The following ZMYND8 variants were observed in gnomAD, a reference collection of about 807,000 sequenced individuals.
ZMYND8 encodes the protein MYND-type zinc finger-containing chromatin reader ZMYND8.
ZMYND8 carries 37 observed loss-of-function variants against 140.8 expected under a neutral mutation model. The observed-to-expected ratio is 0.26, with a 90% CI of 0.20 to 0.35. The LOEUF is 0.35. Among genes scored for constraint, ZMYND8 ranks in the 10% least tolerant of loss-of-function variants. The pLI is 1.00. For synonymous variants in ZMYND8, 592 were observed against 597.1 expected (o/e 0.99, Z 0.12); for missense variants, 1,068 against 1,570.0 (o/e 0.68, Z 5.40).
intron 16 of ZMYND8, among the ~76,000 whole-genome samples, chr20:47,235,806 C>T (rs564666400): frequency 1.3e-5 from 2 of 152,302 alleles, no homozygotes; most frequent in African/African-American, 4.8e-5. Context: ...ATCCTGCCCA[C>T]CATGCCACTT....
intron 3 of ZMYND8, among the ~76,000 whole-genome samples, chr20:47,308,215 T>A (rs1601788408): frequency 1.4e-5 from 2 of 139,568 alleles, no homozygotes; most frequent in Admixed American, 1.5e-4. Context: ...ATCTTGGACG[T>A]GAGGTTTTTT....
chr20:47,244,672 C>T (rs773995472), intron 14 of ZMYND8, among the ~76,000 whole-genome samples: 1 of 152,220 alleles, frequency 6.6e-6, no homozygotes, highest in Non-Finnish European at 1.5e-5. Context: ...GGAAAACATC[C>T]TCCAATACAC....
At chr20:47,272,320 G>A (rs1040659037) in intron 11 of ZMYND8, among the ~76,000 whole-genome samples, 1 of 152,002 alleles carries the variant, frequency 6.6e-6, no homozygotes, top group African/African-American at 2.4e-5. Context: ...CTCGTGATCC[G>A]CTTGTCTCGA....
chr20:47,296,735 C>T (rs2077659521), intron 4 of ZMYND8, among the ~76,000 whole-genome samples: 1 of 152,114 alleles, frequency 6.6e-6, no homozygotes, highest in Non-Finnish European at 1.5e-5. Context: ...GTGGGAGGAT[C>T]GCTTGAGCCT....
At chr20:47,350,298 G>A (rs2082663511) in intron 1 of ZMYND8, among the ~76,000 whole-genome samples, 1 of 138,588 alleles carries the variant, frequency 7.2e-6, no homozygotes, top group Non-Finnish European at 1.5e-5. Context: ...TTTGACTAAA[G>A]GAAACTGCAG....
chr20:47,354,177 A>T (rs1054874279), intron 1 of ZMYND8: 2 of 152,210 alleles, frequency 1.3e-5, no homozygotes, highest in Non-Finnish European at 2.9e-5. Context: ...AAAAGTGGCT[A>T]GCTTGGTCCA....
At chr20:47,256,488 C>G (rs933673484) in intron 12 of ZMYND8, among the ~76,000 whole-genome samples, 2 of 152,042 alleles carry the variant, frequency 1.3e-5, no homozygotes, top group African/African-American at 2.4e-5. Context: ...GGCATGGTGG[C>G]GGGCACCTGT....
At chr20:47,327,748 A>G (rs1232212500) in intron 2 of ZMYND8, among the ~76,000 whole-genome samples, 1 of 152,210 alleles carries the variant, frequency 6.6e-6, no homozygotes, top group Non-Finnish European at 1.5e-5. Context: ...GTAGAACTCC[A>G]GAATCCCTGT....
chr20:47,219,479 T>A (rs1481093989), intron 21 of ZMYND8, among the ~76,000 whole-genome samples: 2 of 148,998 alleles, frequency 1.3e-5, no homozygotes, highest in East Asian at 4.0e-4. Context: ...TGAGCTGAGA[T>A]CACACTACTG....
intron 16 of ZMYND8, among the ~76,000 whole-genome samples, chr20:47,230,457 A>AT (rs1265234895): frequency 6.6e-6 from 1 of 151,282 alleles, no homozygotes; most frequent in East Asian, 1.9e-4. Flanking sequence ...CACCCAGCTA[A>AT]TTTTTTTTCT....
intron 1 of ZMYND8, among the ~76,000 whole-genome samples, chr20:47,355,109 G>A (rs2083112684): frequency 1.3e-5 from 2 of 152,082 alleles, no homozygotes; most frequent in South Asian, 2.1e-4. Context: ...CTAAGAACAA[G>A]CAGTTTCATG....
intron 2 of ZMYND8, among the ~76,000 whole-genome samples, chr20:47,329,276 G>A (rs1008570246): frequency 2.0e-5 from 3 of 152,182 alleles, no homozygotes; most frequent in Admixed American, 6.5e-5. Context: ...AAGCTTGCTC[G>A]AATGATGGCA....
chr20:47,261,639 A>G (rs551286187), intron 12 of ZMYND8, among the ~76,000 whole-genome samples: 10 of 152,272 alleles, frequency 6.6e-5, no homozygotes, highest in African/African-American at 2.2e-4. Context: ...GAAGAGAATT[A>G]AGGAATATCA....
At chr20:47,350,077 G>A in intron 1 of ZMYND8, 1 of 1,361,254 alleles carries the variant, frequency 7.3e-7, no homozygotes, top group Non-Finnish European at 9.5e-7. Context: ...GAAGAGAGAG[G>A]GAAAAAAAAG....
At chr20:47,314,896 G>T (rs929684001) in intron 2 of ZMYND8, among the ~76,000 whole-genome samples, 1 of 151,788 alleles carries the variant, frequency 6.6e-6, no homozygotes, top group Non-Finnish European at 1.5e-5. Context: ...GGGAGAAAGG[G>T]ACTAGACTAG....
chr20:47,352,320 G>A (rs1046202506), intron 1 of ZMYND8, among the ~76,000 whole-genome samples: 5 of 152,250 alleles, frequency 3.3e-5, no homozygotes, highest in African/African-American at 1.2e-4. Context: ...TACGGCAAAG[G>A]TAAAATAAAA....
At chr20:47,233,800 T>C (rs1271110700) in intron 16 of ZMYND8, among the ~76,000 whole-genome samples, 1 of 152,164 alleles carries the variant, frequency 6.6e-6, no homozygotes, top group Non-Finnish European at 1.5e-5. Flanking sequence ...GTAAGTAACA[T>C]ACAAAAAGTG....
intron 2 of ZMYND8, among the ~76,000 whole-genome samples, chr20:47,327,879 A>G (rs1186450231): frequency 6.6e-6 from 1 of 152,138 alleles, no homozygotes; most frequent in African/African-American, 2.4e-5. Context: ...CAGTGGTGCA[A>G]TCACAGCTCA....
chr20:47,259,232 G>A (rs2074981384), intron 12 of ZMYND8, among the ~76,000 whole-genome samples: 1 of 152,196 alleles, frequency 6.6e-6, no homozygotes, highest in Admixed American at 6.5e-5. Flanking sequence ...GAGGGTGTGA[G>A]AAAGCAAACC....
Sources: gnomAD v4.1 joint callset for allele counts (sites outside exome capture counted in the v4.1 genomes callset) on GRCh38, gnomAD v4.1.1 for gene constraint, MANE v1.5 for transcripts, NCBI Gene and HGNC (gene_info 2026-07-23, HGNC 2026-07-21) for gene names.